The following KNDC1 variants were observed in gnomAD, a reference collection of about 807,000 sequenced individuals.
KNDC1 encodes kinase non-catalytic C-lobe domain containing 1.
In KNDC1, 106 loss-of-function variants were observed where a neutral mutation model predicts 172.8. That is an observed-to-expected ratio of 0.61 (90% CI 0.52 to 0.72). The LOEUF is 0.72. KNDC1 is among the 30% of genes least tolerant of loss of function. KNDC1 has a pLI of 0.00. For missense variants in KNDC1, 2,325 were observed against 2,394.5 expected (o/e 0.97, Z 0.61); for synonymous variants, 1,083 against 1,062.2 (o/e 1.02, Z -0.38).
rs191568937 is a variant in KNDC1 at position 133,201,565 on chromosome 10, G to A, written c.3054G>A (p.Ser1018=). The change falls in exon 17 of 30, where the codon TCG becomes TCA. Residue 1018 remains serine, a synonymous_variant. Coordinates refer to ENST00000304613, the MANE Select transcript of KNDC1 (RefSeq NM_152643.8). Reference sequence around the variant, plus strand: ...CCCCCTGCTCACCCACCTCGGTGTCGGATGTGGACTCGGACGCACTGTCAC... The same window carrying A: ...CCCCCTGCTCACCCACCTCGGTGTCAGATGTGGACTCGGACGCACTGTCAC... ...SRAPCSPTSV[S]DVDSDALSRG... 2.0e-4 allele frequency: 324 copies of A among 1,612,468 alleles called. 1 individual carries two copies. In the Admixed American group the frequency reaches 2.7e-3, roughly 14 times the overall value.
At position 133,211,404 on chromosome 10, in the gene KNDC1, G is replaced by C; in HGVS notation, c.3909-18G>C. 1.2e-6 allele frequency: 2 copies of C among 1,607,632 alleles called. No homozygotes were observed. Among genetic ancestry groups the C allele is most frequent in the Non-Finnish European group, 1.7e-6 (2 of 1,177,628 alleles). ...ACTCCCACATCCTGGCAGCTCAGCA[G>C]CTCCCCTGCGTCTCCAGGGCCCACC... On this transcript the variant is annotated intron_variant, in intron 21 of 29. Coordinates refer to ENST00000304613, the MANE Select transcript of KNDC1 (RefSeq NM_152643.8).
rs995262683 is a variant in KNDC1, at chr10:133,169,950, G to A, written c.360+1638G>A. 2.6e-4 allele frequency among the ~76,000 whole-genome samples: 39 copies of A among 152,306 alleles called. No homozygotes were observed. The South Asian group carries it at 2.7e-3, about 11-fold the overall frequency. ...CCTTCATTTTTATCCCGCGTTGCAC[G>A]TTCCTCCAAGTCCTGTTGTTTCCTC... On this transcript the variant is annotated intron_variant, in intron 3 of 29. Transcript: ENST00000304613.
chr10:133,208,793 T>C (rs1282505149), intron 20 of KNDC1, among the ~76,000 whole-genome samples: 1 of 152,106 alleles, frequency 6.6e-6, no homozygotes, highest in Admixed American at 6.5e-5. Flanking sequence ...GCGTTCTTGG[T>C]GTGTGTGCAT....
rs1228884635 is a variant in KNDC1, at chr10:133,218,966, C to T, written c.4800+13C>T. 9.3e-6 allele frequency: 15 copies of T among 1,613,734 alleles called. No homozygotes were observed. The highest frequency in any genetic ancestry group is 3.3e-5 in the Admixed American group (2 of 60,034). ...GAGGCAGTCCCCTGTGCGTCCCCCT[C>T]GGGCCCCAAGGCGGGGGTGGGTACC... On this transcript the variant is annotated intron_variant, in intron 27 of 29. Transcript: ENST00000304613.
chr10:133,224,673 T>C lies in KNDC1; in HGVS notation c.5033T>C (p.Val1678Ala). The change falls in exon 30 of 30, where the codon GTG becomes GCG. Residue 1678 changes from valine to alanine, a missense_variant. By Grantham distance (64) the Val-to-Ala change is moderately conservative. Coordinates refer to ENST00000304613, the MANE Select transcript of KNDC1 (RefSeq NM_152643.8). The surrounding 1 kb of genome is among the most constrained non-coding windows in gnomAD (Gnocchi z 5.4). Reference protein sequence around the residue: ...RWSKLRNIAKVVSQVHAFQEN... With the variant: ...RWSKLRNIAKAVSQVHAFQEN... ...CTCAACGGAAGGAACATCGCAAAGGTGGTGAGCCAGGTGCACGCGTTCCAG... is the reference window on the plus strand; with the variant it reads ...CTCAACGGAAGGAACATCGCAAAGGCGGTGAGCCAGGTGCACGCGTTCCAG... 1 of 1,613,864 alleles carries C rather than the reference T, an allele frequency of 6.2e-7. No individual in the cohort carries two copies. Among genetic ancestry groups the C allele is most frequent in the Non-Finnish European group, 8.5e-7 (1 of 1,179,912 alleles).
chr10:133,182,487 GC>G (rs1189416838), intron 3 of KNDC1, among the ~76,000 whole-genome samples: 1 of 152,180 alleles, frequency 6.6e-6, no homozygotes, highest in African/African-American at 2.4e-5. Flanking sequence ...CTGCGATGTG[GC>G]CCCAGGCAGG....
chr10:133,197,166 T>A, intron 11 of KNDC1, 31 bp downstream of exon 11: 1 of 1,555,370 alleles, frequency 6.4e-7, no homozygotes. Context: ...CGCCGCCTCC[T>A]CCGCCGCGCT....
intron 7 of KNDC1, among the ~76,000 whole-genome samples, chr10:133,188,868 G>A (rs1000701214): frequency 3.3e-5 from 5 of 152,002 alleles, no homozygotes; most frequent in Non-Finnish European, 7.4e-5. Context: ...AACGGAACAG[G>A]CGGCTCCCGT....
intron 26 of KNDC1, 29 bp downstream of exon 26, chr10:133,214,151 A>G (rs1845429389): frequency 1.2e-6 from 2 of 1,611,670 alleles, no homozygotes; most frequent in East Asian, 2.2e-5. Flanking sequence ...CGAGGCCAAC[A>G]CGGGGCGTGG....
chr10:133,202,320 T>G, intron 17 of KNDC1: 1 of 471,410 alleles, frequency 2.1e-6, no homozygotes, highest in Admixed American at 2.3e-5. Flanking sequence ...AAGTCTAGAC[T>G]GGGCCTGGTC....
intron 29 of KNDC1, among the ~76,000 whole-genome samples, chr10:133,221,516 C>T (rs969595912): frequency 2.0e-5 from 3 of 152,164 alleles, no homozygotes; most frequent in East Asian, 1.9e-4. Flanking sequence ...AATCTCCCAC[C>T]CTCCCGTCTC....
At chr10:133,218,779 C>T (rs200993928) in intron 26 of KNDC1, 52 bp from the exon 27 acceptor site, 29 of 1,587,618 alleles carry the variant, frequency 1.8e-5, no homozygotes, top group Admixed American at 6.8e-5. Context: ...CAAATATTCC[C>T]TTTGTTCATC....
intron 23 of KNDC1, among the ~76,000 whole-genome samples, chr10:133,212,251 ACATG>A (rs1197638890): frequency 6.6e-6 from 1 of 150,826 alleles, no homozygotes; most frequent in African/African-American, 2.5e-5. Context: ...CGCAATCCAC[ACATG>A]CACACACGTG....
At chr10:133,166,651 G>C (rs879945067) in intron 1 of KNDC1, among the ~76,000 whole-genome samples, 1 of 152,142 alleles carries the variant, frequency 6.6e-6, no homozygotes, top group Non-Finnish European at 1.5e-5. Flanking sequence ...AGCGTGCCCT[G>C]TGTTGGCGTG....
At chr10:133,178,258 CAT>C (rs147278442) in intron 3 of KNDC1, among the ~76,000 whole-genome samples, 3,423 of 152,202 alleles carry the variant, frequency 0.022, 46 homozygotes, top group Middle Eastern at 0.034. Flanking sequence ...CACAGGCACA[CAT>C]GTGTAGCATG....
chr10:133,169,203 G>A (rs1275700088), intron 3 of KNDC1, among the ~76,000 whole-genome samples: 4 of 152,236 alleles, frequency 2.6e-5, no homozygotes, highest in Middle Eastern at 3.2e-3. Flanking sequence ...GCTCACTCCT[G>A]TAATCCCAGC....
At chr10:133,177,891 G>C (rs548656806) in intron 3 of KNDC1, among the ~76,000 whole-genome samples, 5 of 95,718 alleles carry the variant, frequency 5.2e-5, no homozygotes, top group African/African-American at 1.8e-4. Flanking sequence ...TGTGTGTAGT[G>C]TGCATGTGTG....
rs1398449748 is a variant in KNDC1, at chr10:133,186,319, T to C, written c.971T>C (p.Leu324Pro). The C allele has an allele frequency of 6.2e-7, 1 of 1,612,524 alleles. No homozygotes were observed. The highest frequency in any genetic ancestry group is 8.5e-7 in the Non-Finnish European group (1 of 1,179,902). Residue 324 changes from leucine to proline, a missense_variant, in exon 6 of 30, where the codon CTG (leucine) becomes CCG (proline). Transcript: ENST00000304613. Reference sequence around the variant, plus strand: ...CCCGAGGCCACCCTCTGCCTGCCGCTGACCCGCGGGAAAAGCCAGCTGCCC... The same window carrying C: ...CCCGAGGCCACCCTCTGCCTGCCGCCGACCCGCGGGAAAAGCCAGCTGCCC... ...DSPEATLCLPLTRGKSQLPIS... is the reference protein window; with the variant it reads ...DSPEATLCLPPTRGKSQLPIS...
At chr10:133,177,146 T>G (rs1853558572) in intron 3 of KNDC1, among the ~76,000 whole-genome samples, 2 of 150,034 alleles carry the variant, frequency 1.3e-5, no homozygotes, top group African/African-American at 4.8e-5. Context: ...TCCAATTGTG[T>G]GTCTGTGTCT....
Sources: allele counts gnomAD v4.1 joint callset (sites outside exome capture counted in the v4.1 genomes callset), GRCh38; gene constraint gnomAD v4.1.1; non-coding constraint Gnocchi (gnomAD v3.1); transcripts MANE v1.5; gene names NCBI Gene and HGNC (gene_info 2026-07-23, HGNC 2026-07-21).